The following KASH5 variants were observed in gnomAD, a reference collection of about 807,000 sequenced individuals.
The protein encoded by KASH5 is protein KASH5.
KASH5 carries 72 observed loss-of-function variants against 84.2 expected under a neutral mutation model. That is an observed-to-expected ratio of 0.85 (90% CI 0.71 to 1.04). The LOEUF (loss-of-function observed/expected upper bound fraction) is 1.04. Among genes scored for constraint, KASH5 ranks in the 50% least tolerant of loss-of-function variants. KASH5 has a pLI of 0.00. For missense variants in KASH5, 650 were observed against 701.0 expected, an observed-to-expected ratio of 0.93 and a Z score of 0.82; for synonymous variants, 260 against 279.1, an observed-to-expected ratio of 0.93 and a Z score of 0.68.
intron 15 of KASH5, among the ~76,000 whole-genome samples, chr19:49,410,486 C>CTTT (rs35379985): frequency 1.5e-5 from 2 of 136,076 alleles, no homozygotes; most frequent in Non-Finnish European, 3.1e-5. Flanking sequence ...CCATGACTGG[C>CTTT]TTTTTTTTTT....
At chr19:49,401,083 A>C (rs909472168) in intron 9 of KASH5, among the ~76,000 whole-genome samples, 1 of 152,138 alleles carries the variant, frequency 6.6e-6, no homozygotes, top group Non-Finnish European at 1.5e-5. Flanking sequence ...GCTGGCATCT[A>C]CTGTGAGGCC....
At chr19:49,392,032 T>C (rs1008856127) in intron 2 of KASH5, among the ~76,000 whole-genome samples, 1 of 152,082 alleles carries the variant, frequency 6.6e-6, no homozygotes, top group Non-Finnish European at 1.5e-5. Context: ...ACAGGCTGTC[T>C]AGTGACAGCC....
chr19:49,408,975 G>A lies in KASH5; in HGVS notation c.1002G>A (p.Arg334=). ...CACTTCCTCCTTTGCAGGAACTGAG[G>A]CTGGAGATTTCACGCCTGGAGGAGC... is the stretch of plus-strand genomic sequence containing the variant. The part of the protein sequence containing the change: ...EEYRVTTQEL[R]LEISRLEEQL... The change falls in exon 13 of 20, where the codon AGG becomes AGA. Residue 334 remains arginine (R), a synonymous_variant. Coordinates refer to ENST00000447857, the MANE Select transcript of KASH5 (RefSeq NM_144688.5). 5 of 1,585,336 alleles carry A rather than the reference G, an allele frequency of 3.2e-6. No individual in the cohort carries two copies. Among genetic ancestry groups the A allele is most frequent in the Middle Eastern group, 1.7e-4 (1 of 6,012 alleles).
intron 2 of KASH5, among the ~76,000 whole-genome samples, 193 bp from the exon 3 acceptor site, chr19:49,394,283 G>C (rs1974101690): frequency 6.6e-6 from 1 of 152,160 alleles, no homozygotes; most frequent in Non-Finnish European, 1.5e-5. Context: ...TGAAAGATGG[G>C]GGGAAGTAAC....
chr19:49,395,699 C>G lies in KASH5; in HGVS notation c.336-70C>G. The stretch of plus-strand genomic sequence containing the variant: ...GGTCCCCTCCTCCCACCTGCAATCC[C>G]CCTGCCTGTGGCTGGTGAGGACTGA... On this transcript the variant is annotated intron_variant, in intron 4 of 19. Coordinates refer to ENST00000447857, the MANE Select transcript of KASH5 (RefSeq NM_144688.5). The surrounding 1 kb of genome is among the most constrained non-coding windows in gnomAD (Gnocchi z 4.4). 6.8e-7 allele frequency: 1 copy of G among 1,476,824 alleles called. No homozygotes were observed. Among genetic ancestry groups the G allele is most frequent in the Non-Finnish European group, 9.2e-7 (1 of 1,082,122 alleles). The allele number at this position is 1,476,824 out of a possible 1,614,324, so 91.5% of individuals were successfully genotyped here. A position where few individuals can be genotyped will look rare whatever the true frequency, so the allele number is the denominator to read the frequency against.
At position 49,417,599 on chromosome 19, in the gene KASH5, T is replaced by C. The variant is rs1174665172; in HGVS notation, c.*89T>C. 5.6e-6 allele frequency: 8 copies of C among 1,423,772 alleles called. No homozygotes were observed. In the East Asian group the frequency reaches 2.0e-4, roughly 36 times the overall value. 88.2% of individuals were successfully genotyped at this position (1,423,772 alleles called of 1,614,324 possible). On this transcript the variant is annotated 3_prime_UTR_variant, in exon 20 of 20. Coordinates refer to ENST00000447857, the MANE Select transcript of KASH5 (RefSeq NM_144688.5). The surrounding 1 kb of genome is among the most constrained non-coding windows in gnomAD (Gnocchi z 5.2). The stretch of plus-strand genomic sequence containing the variant: ...GGGATCCCCATTGTTAGTCCACTGT[T>C]GCGCAGGCTTACCCTAGATAGAGTA...
At chr19:49,413,047 T>C (rs759284206) in intron 16 of KASH5, 21 bp downstream of exon 16, 8 of 1,609,692 alleles carry the variant, frequency 5.0e-6, no homozygotes. Flanking sequence ...GAGCCATCCG[T>C]CTGCCTCAGG....
intron 14 of KASH5, 60 bp downstream of exon 14, chr19:49,409,343 C>A: frequency 1.3e-6 from 2 of 1,528,060 alleles, no homozygotes; most frequent in South Asian, 1.2e-5. Flanking sequence ...CCAAACATCT[C>A]CCTACTCTGA....
intron 15 of KASH5, among the ~76,000 whole-genome samples, chr19:49,410,486 CT>C (rs35379985): frequency 1.1e-3 from 147 of 135,992 alleles, no homozygotes; most frequent in Admixed American, 1.2e-3. Context: ...CCATGACTGG[CT>C]TTTTTTTTTT....
At chr19:49,394,415 G>T in intron 2 of KASH5, 61 bp from the exon 3 acceptor site, 1 of 1,353,954 alleles carries the variant, frequency 7.4e-7, no homozygotes, top group Non-Finnish European at 1.1e-6. Flanking sequence ...GAGGACCTGG[G>T]GTCACCCCTC....
Position 49,416,390 on chromosome 19 carries a change from G to A in KASH5, c.1375-625G>A, listed in dbSNP as rs1192680560. On this transcript the variant is annotated intron_variant, in intron 17 of 19. Coordinates refer to ENST00000447857, the MANE Select transcript of KASH5 (RefSeq NM_144688.5). This position sits in a 1 kb window ranked among gnomAD's most constrained non-coding sequence, Gnocchi z 5.4. ...GTATTTTTAGTAGAGACGGAGTTTC[G>A]CCATGTTGGCCAGGTTGGTCTCCAT... Among the ~76,000 whole-genome samples the A allele has an allele frequency of 2.0e-5, 3 of 152,068 alleles. No individual in the cohort carries two copies. Among genetic ancestry groups the A allele is most frequent in the African/African-American group, 4.8e-5 (2 of 41,380 alleles).
At chr19:49,409,359 A>C in intron 14 of KASH5, 76 bp downstream of exon 14, 24 of 1,446,640 alleles carry the variant, frequency 1.7e-5, no homozygotes, top group Non-Finnish European at 2.1e-5. Flanking sequence ...TCTGATCCTC[A>C]CACCAGCCTA....
rs1428415627 is a variant in KASH5, at chr19:49,411,963, GGAAGGAAGGAAAGAAGGA to G, written c.1270-1004_1270-987del. Among the ~76,000 whole-genome samples the G allele has an allele frequency of 7.0e-3, 906 of 128,984 alleles. 14 individuals are homozygous for G. The highest frequency in any genetic ancestry group is 0.025 in the African/African-American group (838 of 33,104). The allele number at this position is 128,984 out of a possible 152,430, so 84.6% of individuals were successfully genotyped here. ...AGGAAGGAAGGAAGGAAGGAAGGAA[GGAAGGAAGGAAAGAAGGA>G]AGCCAGCCTTTGAGGCACTAGCACA... On this transcript the variant is annotated intron_variant, in intron 15 of 19. Transcript: ENST00000447857.
chr19:49,415,365 G>T lies in KASH5; in HGVS notation c.1374+369G>T, dbSNP rs947535922. The stretch of plus-strand genomic sequence containing the variant: ...GGCCGGCCCTCCCCAGCCAGCCTCA[G>T]AACTCCCTGGGGGCGTAGTGCCCGC... On this transcript the variant is annotated intron_variant, in intron 17 of 19. Coordinates refer to ENST00000447857, the MANE Select transcript of KASH5 (RefSeq NM_144688.5). 16 of 356,282 alleles carry T rather than the reference G, an allele frequency of 4.5e-5. 1 individual carries two copies. The Middle Eastern group carries it at 2.8e-3, about 62-fold the overall frequency. 22.1% of individuals were successfully genotyped at this position (356,282 alleles called of 1,614,324 possible).
chr19:49,403,059 G>T (rs1358755361), intron 9 of KASH5, among the ~76,000 whole-genome samples: 1 of 152,168 alleles, frequency 6.6e-6, no homozygotes, highest in East Asian at 1.9e-4. Context: ...AAAACGTGGG[G>T]CAAAGGGGAG....
At position 49,395,844 on chromosome 19, in the gene KASH5, T is replaced by C. The variant is rs1387843921; in HGVS notation, c.400+11T>C. The C allele has an allele frequency of 1.9e-6, 3 of 1,553,038 alleles. No homozygotes were observed. Among genetic ancestry groups the C allele is most frequent in the Non-Finnish European group, 2.6e-6 (3 of 1,147,970 alleles). On this transcript the variant is annotated intron_variant, in intron 5 of 19. Transcript: ENST00000447857. This position sits in a 1 kb window ranked among gnomAD's most constrained non-coding sequence, Gnocchi z 4.4. The stretch of plus-strand genomic sequence containing the variant: ...GGCAACTGCCATCTGGTGAGATTGC[T>C]ATATATAGAATGAAGCAGGCAGGCC...
At chr19:49,400,526 G>C (rs1974333707) in intron 9 of KASH5, among the ~76,000 whole-genome samples, 1 of 151,990 alleles carries the variant, frequency 6.6e-6, no homozygotes, top group East Asian at 1.9e-4. Context: ...CACCACACCT[G>C]GCTAATTTTG....
chr19:49,397,824 A>G, intron 6 of KASH5, 107 bp downstream of exon 6: 1 of 1,470,550 alleles, frequency 6.8e-7, no homozygotes, highest in Non-Finnish European at 9.4e-7. Context: ...TGAATGAGGG[A>G]CGGGGCTTTG....
At chr19:49,396,670 G>T (rs1974193435) in intron 5 of KASH5, among the ~76,000 whole-genome samples, 2 of 152,160 alleles carry the variant, frequency 1.3e-5, no homozygotes. Flanking sequence ...ACCTGCAGAG[G>T]AAATCTGATT....
Sources: gnomAD v4.1 joint callset for allele counts (sites outside exome capture counted in the v4.1 genomes callset) on GRCh38, gnomAD v4.1.1 for gene constraint, Gnocchi (gnomAD v3.1) non-coding constraint, MANE v1.5 for transcripts, NCBI Gene and HGNC (gene_info 2026-07-23, HGNC 2026-07-21) for gene names.